NTAQ1: variants seen among roughly 807,000 people sequenced by gnomAD.
NTAQ1 encodes protein N-terminal glutamine amidohydrolase.
Under a neutral mutation model 28.2 loss-of-function variants are expected in NTAQ1, and 21 were observed. The ratio of observed to expected loss-of-function variants is 0.74; its 90% CI spans 0.53 to 1.07. NTAQ1 has a LOEUF of 1.07. Among genes scored for constraint, NTAQ1 ranks in the 50% least tolerant of loss-of-function variants. NTAQ1 has a pLI of 0.00. For synonymous variants in NTAQ1, 105 were observed against 90.0 expected, an observed-to-expected ratio of 1.17 and a Z score of -0.94; for missense variants, 264 against 256.6, an observed-to-expected ratio of 1.03 and a Z score of -0.20.
chr8:123,417,440 T>G (rs1813368147), intron 1 of NTAQ1, among the ~76,000 whole-genome samples: 1 of 152,100 alleles, frequency 6.6e-6, no homozygotes, highest in African/African-American at 2.4e-5. Flanking sequence ...TTATCCCCAG[T>G]TGAAAGATGA....
At chr8:123,417,021 G>T in intron 1 of NTAQ1, 89 bp downstream of exon 1, 1 of 1,289,638 alleles carries the variant, frequency 7.8e-7, no homozygotes, top group Admixed American at 3.5e-5. Context: ...GCCCCTCCTC[G>T]GGGGCGCTCC....
chr8:123,472,659 C>T (rs1383394541), downstream of NTAQ1, among the ~76,000 whole-genome samples: 1 of 152,180 alleles, frequency 6.6e-6, no homozygotes, highest in Non-Finnish European at 1.5e-5. Flanking sequence ...TAAGGTCCAC[C>T]ATAATCCAGC....
chr8:123,421,020 C>T (rs1813652110), intron 1 of NTAQ1, among the ~76,000 whole-genome samples: 1 of 150,920 alleles, frequency 6.6e-6, no homozygotes, highest in African/African-American at 2.4e-5. Context: ...CTCTTGACCT[C>T]TTGGTCTGCC....
chr8:123,467,283 G>C (rs539807389), exon 7 of NTAQ1: 1 of 152,092 alleles, frequency 6.6e-6, no homozygotes. Context: ...TGATCGACCT[G>C]CCTTGGCCTC....
chr8:123,432,404 C>T (rs2130257739), intron 3 of NTAQ1, among the ~76,000 whole-genome samples: 1 of 152,204 alleles, frequency 6.6e-6, no homozygotes, highest in Non-Finnish European at 1.5e-5. Context: ...CTTTGGGATG[C>T]AGAGGCAGGC....
intron 3 of NTAQ1, among the ~76,000 whole-genome samples, chr8:123,434,101 G>T (rs1350918838): frequency 6.6e-6 from 1 of 151,928 alleles, no homozygotes; most frequent in African/African-American, 2.4e-5. Flanking sequence ...CGAGGGGAGG[G>T]GCTGAGATTG....
chr8:123,424,453 A>G (rs1366083903), intron 1 of NTAQ1, among the ~76,000 whole-genome samples: 1 of 152,144 alleles, frequency 6.6e-6, no homozygotes, highest in Non-Finnish European at 1.5e-5. Context: ...TATGTTGGCC[A>G]GGCTGGTCTT....
At chr8:123,467,580 G>A (rs1258759842) in exon 7 of NTAQ1, among the ~76,000 whole-genome samples, 1 of 152,084 alleles carries the variant, frequency 6.6e-6, no homozygotes, top group Admixed American at 6.5e-5. Flanking sequence ...GTAGCTGAGG[G>A]TCTGATTTCA....
intron 4 of NTAQ1, 136 bp from the exon 5 acceptor site, chr8:123,437,074 T>C (rs939528660): frequency 1.2e-5 from 14 of 1,155,788 alleles, no homozygotes; most frequent in Non-Finnish European, 1.6e-5. Flanking sequence ...GGTAGTAAAG[T>C]TGCCTGTATT....
downstream of NTAQ1, among the ~76,000 whole-genome samples, chr8:123,470,710 G>C (rs1451213120): frequency 2.0e-5 from 3 of 152,150 alleles, no homozygotes; most frequent in African/African-American, 7.2e-5. Flanking sequence ...TTTTCCCACA[G>C]TTCTGGAGGC....
chr8:123,445,210 T>C (rs1032954512), downstream of NTAQ1, among the ~76,000 whole-genome samples: 4 of 152,186 alleles, frequency 2.6e-5, no homozygotes, highest in East Asian at 3.8e-4. Context: ...TTTGTATCCT[T>C]CTTTCCAGGA....
At chr8:123,454,695 A>G (rs548484134) in intron 6 of NTAQ1, among the ~76,000 whole-genome samples, 8 of 152,130 alleles carry the variant, frequency 5.3e-5, no homozygotes, top group Non-Finnish European at 1.0e-4. Flanking sequence ...AGCATCTACT[A>G]CATCTTATGG....
intron 1 of NTAQ1, among the ~76,000 whole-genome samples, chr8:123,425,469 C>G (rs531524141): frequency 6.6e-6 from 1 of 151,262 alleles, no homozygotes. Flanking sequence ...CCCACCCCCC[C>G]ACTTTTTTTT....
Position 123,421,941 on chromosome 8 carries a change from A to G in NTAQ1, c.83+5009A>G, listed in dbSNP as rs918113750. Among the ~76,000 whole-genome samples the G allele has an allele frequency of 1.1e-4, 17 of 151,892 alleles. 1 individual carries two copies. The highest frequency in any genetic ancestry group is 3.6e-4 in the African/African-American group (15 of 41,448). On this transcript the variant is annotated intron_variant, in intron 1 of 5. Coordinates refer to ENST00000287387, the MANE Select transcript of NTAQ1 (RefSeq NM_018024.3). ...GTGATCCGCCTGCCTCGGCCTCCCA[A>G]AGTGCTGGGATTACAGGCGTGAGCC...
intron 6 of NTAQ1, among the ~76,000 whole-genome samples, chr8:123,456,275 G>A (rs908692538): frequency 6.6e-6 from 1 of 152,070 alleles, no homozygotes; most frequent in Non-Finnish European, 1.5e-5. Context: ...CTTATATATT[G>A]CAAGGATTTT....
intron 1 of NTAQ1, among the ~76,000 whole-genome samples, chr8:123,419,194 G>T (rs1376236669): frequency 1.3e-5 from 2 of 148,798 alleles, no homozygotes; most frequent in Admixed American, 6.8e-5. Context: ...CACCTCCCAG[G>T]CTCAAGCCAT....
intron 5 of NTAQ1, chr8:123,438,221 G>A (rs1326609162): frequency 1.4e-6 from 1 of 700,786 alleles, no homozygotes; most frequent in African/African-American, 1.7e-5. Context: ...ATATGAGTTT[G>A]AAGTATTATT....
chr8:123,422,256 T>C (rs1009854120), intron 1 of NTAQ1, among the ~76,000 whole-genome samples: 1 of 150,888 alleles, frequency 6.6e-6, no homozygotes, highest in Non-Finnish European at 1.5e-5. Context: ...TCTTGCATTC[T>C]GTAGGTAGTC....
At chr8:123,434,045 G>T (rs1814553107) in intron 3 of NTAQ1, among the ~76,000 whole-genome samples, 2 of 151,880 alleles carry the variant, frequency 1.3e-5, no homozygotes, top group South Asian at 4.1e-4. Context: ...CCTGGAGTTA[G>T]ATACTCCAGT....
Sources: gnomAD v4.1 joint callset for allele counts (sites outside exome capture counted in the v4.1 genomes callset) on GRCh38, gnomAD v4.1.1 for gene constraint, MANE v1.5 for transcripts, NCBI Gene and HGNC (gene_info 2026-07-23, HGNC 2026-07-21) for gene names.